ADGRB3: variants seen among roughly 807,000 people sequenced by gnomAD.
The protein encoded by ADGRB3 is adhesion G protein-coupled receptor B3, also known as brain-specific angiogenesis inhibitor 3.
Under a neutral mutation model 193.4 loss-of-function variants are expected in ADGRB3, and 37 were observed. The ratio of observed to expected loss-of-function variants is 0.19; its 90% CI spans 0.15 to 0.25. The LOEUF (loss-of-function observed/expected upper bound fraction) is 0.25, where lower values mean the gene tolerates loss of function less well. Ranked by LOEUF, ADGRB3 falls within the 10% of genes least tolerant of loss-of-function variation. The pLI is 1.00. For missense variants in ADGRB3, 1,637 were observed against 1,852.9 expected (o/e 0.88, Z 2.14); for synonymous variants, 690 against 644.2 (o/e 1.07, Z -1.08).
chr6:69,171,764 A>G (rs1344166704), intron 17 of ADGRB3, among the ~76,000 whole-genome samples: 1 of 152,224 alleles, frequency 6.6e-6, no homozygotes, highest in Non-Finnish European at 1.5e-5. Context: ...AGTCAAAAAA[A>G]AAGCCCTTTA....
chr6:69,102,032 C>T (rs1349083653), intron 17 of ADGRB3, among the ~76,000 whole-genome samples: 1 of 152,024 alleles, frequency 6.6e-6, no homozygotes, highest in Non-Finnish European at 1.5e-5. Flanking sequence ...AAAAAATTAG[C>T]CGGGCGTGGT....
At chr6:69,141,754 G>T (rs975100788) in intron 17 of ADGRB3, among the ~76,000 whole-genome samples, 4 of 152,246 alleles carry the variant, frequency 2.6e-5, no homozygotes, top group African/African-American at 9.6e-5. Flanking sequence ...ATGTCATGGG[G>T]GAAGATAGGC....
Position 69,388,961 on chromosome 6 carries a change from C to T in ADGRB3, c.*70C>T. On this transcript the variant is annotated 3_prime_UTR_variant, in exon 32 of 32. Transcript: ENST00000370598. ...GACACTTAAGACTTGGGAAGCCTGA[C>T]ATTTCTATCTGGACAGTGTGACTAT... The T allele has an allele frequency of 6.9e-7, 1 of 1,441,816 alleles. No individual in the cohort carries two copies. The allele number at this position is 1,441,816 out of a possible 1,614,324, so 89.3% of individuals were successfully genotyped here.
intron 3 of ADGRB3, among the ~76,000 whole-genome samples, chr6:68,702,649 A>C (rs1476152592): frequency 1.3e-5 from 2 of 152,088 alleles, no homozygotes; most frequent in Non-Finnish European, 2.9e-5. Flanking sequence ...AGAACTCAGC[A>C]CTCTAATTAT....
intron 5 of ADGRB3, among the ~76,000 whole-genome samples, chr6:68,938,034 T>G (rs549856957): frequency 6.6e-6 from 1 of 151,808 alleles, no homozygotes; most frequent in Non-Finnish European, 1.5e-5. Flanking sequence ...TAGAATAGAA[T>G]TGGGAGGTTA....
intron 12 of ADGRB3, among the ~76,000 whole-genome samples, chr6:69,014,501 C>G (rs1393523705): frequency 6.6e-6 from 1 of 151,880 alleles, no homozygotes; most frequent in African/African-American, 2.4e-5. Context: ...ATATGGATCA[C>G]AGAGACAGTG....
chr6:69,049,678 C>T (rs1771337294), intron 15 of ADGRB3, among the ~76,000 whole-genome samples: 1 of 152,040 alleles, frequency 6.6e-6, no homozygotes, highest in African/African-American at 2.4e-5. Context: ...TGTCTTCTCC[C>T]TTTAGTTGTA....
chr6:68,835,486 GCAAA>G (rs1231637546), intron 3 of ADGRB3, among the ~76,000 whole-genome samples: 1 of 151,920 alleles, frequency 6.6e-6, no homozygotes, highest in East Asian at 1.9e-4. Flanking sequence ...AAATGCAAAT[GCAAA>G]CAGTCTACAT....
chr6:69,102,571 A>G (rs1562160377), intron 17 of ADGRB3, among the ~76,000 whole-genome samples: 1 of 152,226 alleles, frequency 6.6e-6, no homozygotes, highest in Non-Finnish European at 1.5e-5. Flanking sequence ...CCCTGAGCTA[A>G]CGGGGAGCAG....
At chr6:68,890,866 A>G (rs1392498987) in intron 3 of ADGRB3, among the ~76,000 whole-genome samples, 1 of 152,220 alleles carries the variant, frequency 6.6e-6, no homozygotes, top group Non-Finnish European at 1.5e-5. Context: ...GGAGGTGGAA[A>G]GTTTAGCAGG....
At chr6:68,949,730 A>C (rs957507686) in intron 6 of ADGRB3, among the ~76,000 whole-genome samples, 3 of 152,132 alleles carry the variant, frequency 2.0e-5, no homozygotes, top group Admixed American at 2.0e-4. Flanking sequence ...AGCCTGTTGT[A>C]TGACAATTAT....
At chr6:68,768,460 A>G (rs1029947924) in intron 3 of ADGRB3, among the ~76,000 whole-genome samples, 13 of 152,172 alleles carry the variant, frequency 8.5e-5, no homozygotes, top group Non-Finnish European at 1.5e-4. Context: ...CTACTTAATA[A>G]TTGGTGTTGG....
intron 17 of ADGRB3, among the ~76,000 whole-genome samples, chr6:69,094,452 T>C (rs1379881567): frequency 6.6e-6 from 1 of 152,240 alleles, no homozygotes; most frequent in Admixed American, 6.5e-5. Context: ...AACTACTTTC[T>C]GATTTGGTTC....
At chr6:69,364,798 G>A (rs1769533961) in intron 29 of ADGRB3, among the ~76,000 whole-genome samples, 1 of 152,028 alleles carries the variant, frequency 6.6e-6, no homozygotes, top group Non-Finnish European at 1.5e-5. Context: ...TTCAATTAAT[G>A]AACAAAATGT....
intron 20 of ADGRB3, among the ~76,000 whole-genome samples, chr6:69,259,740 G>A (rs955138447): frequency 6.6e-6 from 1 of 151,004 alleles, no homozygotes; most frequent in Non-Finnish European, 1.5e-5. Flanking sequence ...AAATGTTTGT[G>A]GTTTTTCCCC....
chr6:68,986,960 T>C (rs990954528), intron 10 of ADGRB3, among the ~76,000 whole-genome samples: 6 of 152,024 alleles, frequency 3.9e-5, no homozygotes, highest in African/African-American at 1.4e-4. Flanking sequence ...ACCATGACCC[T>C]CTCCACATCT....
intron 11 of ADGRB3, among the ~76,000 whole-genome samples, chr6:68,997,825 T>C (rs1447208861): frequency 6.6e-6 from 1 of 152,100 alleles, no homozygotes; most frequent in East Asian, 1.9e-4. Context: ...GGAAACTCAT[T>C]CATGAAAAAT....
chr6:69,336,226 T>C (rs1016249715), intron 24 of ADGRB3, among the ~76,000 whole-genome samples: 1 of 151,948 alleles, frequency 6.6e-6, no homozygotes, highest in African/African-American at 2.4e-5. Context: ...AATAAAATGA[T>C]AGAGTGAATA....
intron 26 of ADGRB3, among the ~76,000 whole-genome samples, chr6:69,348,854 A>T (rs1401461160): frequency 6.6e-6 from 1 of 152,222 alleles, no homozygotes; most frequent in Non-Finnish European, 1.5e-5. Context: ...TATCTAAATC[A>T]TAAAAGGTTG....
Sources: gnomAD v4.1 joint callset for allele counts (sites outside exome capture counted in the v4.1 genomes callset) on GRCh38, gnomAD v4.1.1 for gene constraint, MANE v1.5 for transcripts, NCBI Gene and HGNC (gene_info 2026-07-23, HGNC 2026-07-21) for gene names.